NCK1: variants seen among roughly 807,000 people sequenced by gnomAD.
NCK1 encodes NCK adaptor protein 1.
NCK1 carries 19 observed loss-of-function variants against 36.6 expected under a neutral mutation model. That is an observed-to-expected ratio of 0.52 (90% confidence interval 0.36 to 0.76). The LOEUF (loss-of-function observed/expected upper bound fraction) is 0.76, where lower values mean the gene tolerates loss of function less well. NCK1 is among the 30% of genes least tolerant of loss of function. The pLI is 0.00. For synonymous variants in NCK1, 165 were observed against 156.0 expected, an observed-to-expected ratio of 1.06 and a Z score of -0.43; for missense variants, 358 against 445.6, an observed-to-expected ratio of 0.80 and a Z score of 1.77.
At chr3:136,901,985 T>A (rs1422161096) in intron 1 of NCK1, among the ~76,000 whole-genome samples, 2 of 152,130 alleles carry the variant, frequency 1.3e-5, no homozygotes, top group African/African-American at 4.8e-5. Context: ...GATGTAGGCA[T>A]TTGTTGATAT....
At chr3:136,877,542 A>G (rs533218084) in intron 1 of NCK1, among the ~76,000 whole-genome samples, 1 of 152,366 alleles carries the variant, frequency 6.6e-6, no homozygotes, top group Admixed American at 6.5e-5. Context: ...AATAATTGAA[A>G]GGACTTCTAA....
At chr3:136,889,923 G>A (rs1939189582) in intron 1 of NCK1, among the ~76,000 whole-genome samples, 1 of 152,210 alleles carries the variant, frequency 6.6e-6, no homozygotes. Context: ...AGACTCAGGA[G>A]CCCAGCTGGC....
Position 136,927,979 on chromosome 3 carries a change from T to A in NCK1, c.-18-5T>A. 1 of 1,567,518 alleles carries A rather than the reference T, an allele frequency of 6.4e-7. No homozygotes were observed. The highest frequency in any genetic ancestry group is 8.8e-7 in the Non-Finnish European group (1 of 1,138,492). On this transcript the variant is annotated splice_polypyrimidine_tract_variant and splice_region_variant and intron_variant, in intron 1 of 3. Transcript: ENST00000481752. ...TACATAAAAATATTTTCCATGTGTT[T>A]ACAGTGCTGAAGCTGCTGAAAGATG...
chr3:136,880,710 T>G (rs966287848), intron 1 of NCK1, among the ~76,000 whole-genome samples: 1 of 152,038 alleles, frequency 6.6e-6, no homozygotes, highest in African/African-American at 2.4e-5. Flanking sequence ...GTTCAAGGGA[T>G]CCTCATGTTT....
At position 136,948,564 on chromosome 3, in the gene NCK1, A is replaced by G. The variant is rs1434577805; in HGVS notation, c.*111A>G. 4 of 883,354 alleles carry G rather than the reference A, an allele frequency of 4.5e-6. No individual in the cohort carries two copies. The highest frequency in any genetic ancestry group is 1.8e-5 in the South Asian group (1 of 56,668). The allele number at this position is 883,354 out of a possible 1,614,324, so 54.7% of individuals were successfully genotyped here. On this transcript the variant is annotated 3_prime_UTR_variant, in exon 4 of 4. Transcript: ENST00000481752. ...ATTGGAAATTGTTGTTTCTAAATCTATATGAGAATTGACAATAAGTATTTT... is the reference window on the plus strand; with the variant it reads ...ATTGGAAATTGTTGTTTCTAAATCTGTATGAGAATTGACAATAAGTATTTT...
intron 1 of NCK1, among the ~76,000 whole-genome samples, chr3:136,873,318 A>G (rs1349461926): frequency 6.6e-6 from 1 of 152,280 alleles, no homozygotes; most frequent in Admixed American, 6.5e-5. Flanking sequence ...GCCCTGCTGT[A>G]TTTTGGATTT....
chr3:136,888,482 A>C (rs1246448991), intron 1 of NCK1, among the ~76,000 whole-genome samples: 3 of 151,634 alleles, frequency 2.0e-5, no homozygotes, highest in Admixed American at 1.3e-4. Context: ...GGCTGACTGC[A>C]ACCTCTGCCT....
At chr3:136,864,148 G>C (rs948745114) in intron 1 of NCK1, among the ~76,000 whole-genome samples, 3 of 151,864 alleles carry the variant, frequency 2.0e-5, no homozygotes, top group African/African-American at 7.3e-5. Context: ...ATTATCCTTT[G>C]TCCAGGTTTC....
chr3:136,887,317 A>C (rs1435881524), intron 1 of NCK1, among the ~76,000 whole-genome samples: 1 of 152,142 alleles, frequency 6.6e-6, no homozygotes, highest in Admixed American at 6.6e-5. Context: ...ACAGGAGTGC[A>C]CCGCCATGCT....
intron 1 of NCK1, among the ~76,000 whole-genome samples, chr3:136,920,074 A>T (rs912908624): frequency 2.6e-5 from 4 of 152,188 alleles, no homozygotes; most frequent in Non-Finnish European, 5.9e-5. Context: ...AAGGCAATTC[A>T]TAAGATGATT....
intron 2 of NCK1, among the ~76,000 whole-genome samples, chr3:136,931,688 A>G (rs1474031176): frequency 6.6e-6 from 1 of 152,230 alleles, no homozygotes; most frequent in Non-Finnish European, 1.5e-5. Flanking sequence ...ATAGGGTGAA[A>G]AACTAATACT....
chr3:136,880,121 A>G (rs923633966), intron 1 of NCK1, among the ~76,000 whole-genome samples: 6 of 151,884 alleles, frequency 4.0e-5, no homozygotes, highest in Non-Finnish European at 8.8e-5. Flanking sequence ...CGACTCTACT[A>G]AAAATACAAA....
At chr3:136,877,675 G>A (rs1162167256) in intron 1 of NCK1, among the ~76,000 whole-genome samples, 2 of 152,162 alleles carry the variant, frequency 1.3e-5, no homozygotes, top group African/African-American at 4.8e-5. Context: ...AGAAAAGACG[G>A]CAACAATAAA....
chr3:136,939,811 A>T (rs1940621987), intron 2 of NCK1, among the ~76,000 whole-genome samples: 1 of 124,990 alleles, frequency 8.0e-6, no homozygotes, highest in Non-Finnish European at 1.7e-5. Context: ...GATACTTTGT[A>T]TGACTTCAAT....
At chr3:136,868,267 T>C (rs1198705221) in intron 1 of NCK1, among the ~76,000 whole-genome samples, 2 of 152,146 alleles carry the variant, frequency 1.3e-5, no homozygotes, top group African/African-American at 4.8e-5. Context: ...ACAGTTTCTT[T>C]CCCCTATACT....
rs866820902 is a variant in NCK1 at position 136,933,038 on chromosome 3, T to C, written c.226+4811T>C. Among the ~76,000 whole-genome samples the C allele has an allele frequency of 1.7e-4, 26 of 152,332 alleles. No homozygotes were observed. The Middle Eastern group carries it at 0.017, about 100-fold the overall frequency. The stretch of plus-strand genomic sequence containing the variant: ...ACAAGATGAATAGGAACAGACAGTA[T>C]TGTAAAACTCTACATTAAAATTTTA... On this transcript the variant is annotated intron_variant, in intron 2 of 3. Transcript: ENST00000481752.
chr3:136,883,121 T>C (rs979543026), intron 1 of NCK1, among the ~76,000 whole-genome samples: 11 of 152,188 alleles, frequency 7.2e-5, no homozygotes, highest in African/African-American at 2.4e-4. Context: ...GGGTTTACCA[T>C]GTTGGCTAAG....
At chr3:136,907,141 C>CCTG (rs924705932) in intron 1 of NCK1, among the ~76,000 whole-genome samples, 3 of 152,142 alleles carry the variant, frequency 2.0e-5, no homozygotes, top group African/African-American at 7.2e-5. Context: ...GTGCCTTGCT[C>CCTG]CTGCTGCTGC....
At chr3:136,898,730 G>A (rs1939457358) in intron 1 of NCK1, among the ~76,000 whole-genome samples, 1 of 152,190 alleles carries the variant, frequency 6.6e-6, no homozygotes, top group African/African-American at 2.4e-5. Context: ...AACGGTTAAC[G>A]TTAAGGTGCT....
Sources: gnomAD v4.1 joint callset for allele counts (sites outside exome capture counted in the v4.1 genomes callset) on GRCh38, gnomAD v4.1.1 for gene constraint, MANE v1.5 for transcripts, NCBI Gene and HGNC (gene_info 2026-07-23, HGNC 2026-07-21) for gene names.